Variants in LITAF observed in about 807,000 individuals in gnomAD.
LITAF encodes the protein lipopolysaccharide-induced tumor necrosis factor-alpha factor.
Under a neutral mutation model 14.5 loss-of-function variants are expected in LITAF, and 9 were observed. The ratio of observed to expected loss-of-function variants is 0.62; its 90% CI spans 0.37 to 1.08. The LOEUF (loss-of-function observed/expected upper bound fraction) is 1.08. Among genes scored for constraint, LITAF ranks in the 50% least tolerant of loss-of-function variants. The pLI is 0.01. For missense variants in LITAF, 206 were observed against 213.4 expected (o/e 0.97, Z 0.22); for synonymous variants, 98 against 88.2 (o/e 1.11, Z -0.62).
At chr16:11,584,800 C>T (rs1301438851) in intron 1 of LITAF, among the ~76,000 whole-genome samples, 6 of 152,178 alleles carry the variant, frequency 3.9e-5, no homozygotes, top group East Asian at 1.9e-4. Flanking sequence ...ATCCTTTACA[C>T]GGCAAGGGTA....
intron 1 of LITAF, among the ~76,000 whole-genome samples, chr16:11,563,773 C>T (rs1223614561): frequency 6.6e-6 from 1 of 152,022 alleles, no homozygotes; most frequent in Non-Finnish European, 1.5e-5. Context: ...CAATGAAATT[C>T]TGAGAGAGCT....
intron 1 of LITAF, among the ~76,000 whole-genome samples, chr16:11,567,623 C>T (rs538933415): frequency 6.6e-6 from 1 of 152,186 alleles, no homozygotes; most frequent in South Asian, 2.1e-4. Flanking sequence ...CATCACTCAG[C>T]GGAGGAGACC....
At chr16:11,602,228 C>T (rs780676904), upstream of LITAF, among the ~76,000 whole-genome samples, 2 of 152,134 alleles carry the variant, frequency 1.3e-5, no homozygotes, top group African/African-American at 2.4e-5. Context: ...TGTGGTGACA[C>T]ATGCCTGTAG....
intron 1 of LITAF, among the ~76,000 whole-genome samples, chr16:11,577,827 C>T (rs965940190): frequency 1.3e-5 from 2 of 151,908 alleles, no homozygotes; most frequent in Admixed American, 6.6e-5. Context: ...TGGGCTCAAG[C>T]GATCCTCCTC....
chr16:11,629,382 A>T (rs935768044), intron 3 of LITAF, among the ~76,000 whole-genome samples: 1 of 152,222 alleles, frequency 6.6e-6, no homozygotes, highest in Admixed American at 6.5e-5. Context: ...GTAAGGAGAC[A>T]AGGTGCAGGA....
chr16:11,637,946 CTA>C (rs1307620064), upstream of LITAF, among the ~76,000 whole-genome samples: 58 of 59,040 alleles, frequency 9.8e-4, 2 homozygotes, highest in South Asian at 8.7e-3. Flanking sequence ...ATCTATATAT[CTA>C]TATATATCTA....
intron 1 of LITAF, among the ~76,000 whole-genome samples, chr16:11,585,751 C>T (rs530855375): frequency 6.6e-6 from 1 of 152,160 alleles, no homozygotes; most frequent in East Asian, 1.9e-4. Context: ...AGTCTTTGAA[C>T]CAGCACCAGT....
At chr16:11,594,225 A>T (rs574981252) in intron 1 of LITAF, among the ~76,000 whole-genome samples, 2 of 152,152 alleles carry the variant, frequency 1.3e-5, no homozygotes, top group East Asian at 3.9e-4. Flanking sequence ...ACTGGTGGTG[A>T]CTGCAAAACA....
intron 3 of LITAF, among the ~76,000 whole-genome samples, chr16:11,626,816 T>C (rs1194898164): frequency 6.6e-6 from 1 of 152,180 alleles, no homozygotes; most frequent in African/African-American, 2.4e-5. Flanking sequence ...TATTTTTATT[T>C]AATGTGCTAC....
At chr16:11,621,891 G>C (rs1177542679) in intron 3 of LITAF, among the ~76,000 whole-genome samples, 1 of 152,004 alleles carries the variant, frequency 6.6e-6, no homozygotes, top group African/African-American at 2.4e-5. Context: ...CAGCTCCTAC[G>C]TTGCTGCAGC....
At chr16:11,601,895 C>G (rs1472726516), upstream of LITAF, among the ~76,000 whole-genome samples, 1 of 152,204 alleles carries the variant, frequency 6.6e-6, no homozygotes, top group Non-Finnish European at 1.5e-5. Context: ...CCCTGGGAAT[C>G]TACCACATGG....
intron 3 of LITAF, among the ~76,000 whole-genome samples, chr16:11,621,161 T>G (rs2065048684): frequency 2.0e-5 from 3 of 151,952 alleles, no homozygotes; most frequent in African/African-American, 7.3e-5. Context: ...GCCTCCCAGG[T>G]TCAAGTGATT....
upstream of LITAF, among the ~76,000 whole-genome samples, chr16:11,639,755 G>A (rs538989429): frequency 6.6e-6 from 1 of 152,200 alleles, no homozygotes; most frequent in African/African-American, 2.4e-5. Context: ...ATCAATTTGG[G>A]AGGCCGAGGA....
chr16:11,589,921 GCC>G (rs1330171883), upstream of LITAF, among the ~76,000 whole-genome samples: 99 of 120,030 alleles, frequency 8.2e-4, no homozygotes, highest in South Asian at 1.5e-3. Flanking sequence ...ACCACACCCA[GCC>G]AGTTGCATTT....
intron 1 of LITAF, among the ~76,000 whole-genome samples, chr16:11,559,359 TAA>T (rs894310525): frequency 2.6e-4 from 40 of 152,220 alleles, no homozygotes; most frequent in African/African-American, 9.7e-4. Context: ...TACTTGTATT[TAA>T]GTTTAAGCAA....
intron 1 of LITAF, among the ~76,000 whole-genome samples, chr16:11,563,201 C>A (rs550244959): frequency 6.6e-6 from 1 of 151,790 alleles, no homozygotes; most frequent in African/African-American, 2.4e-5. Flanking sequence ...TAGACTGGAA[C>A]GCAGTGGCGT....
At chr16:11,622,551 AC>A (rs1240143817) in intron 3 of LITAF, among the ~76,000 whole-genome samples, 2 of 151,862 alleles carry the variant, frequency 1.3e-5, no homozygotes, top group Non-Finnish European at 2.9e-5. Context: ...TCCCTACACA[AC>A]CCCCTTCTTT....
chr16:11,638,729 A>C (rs977663542), upstream of LITAF, among the ~76,000 whole-genome samples: 2 of 124,326 alleles, frequency 1.6e-5, no homozygotes, highest in Admixed American at 8.1e-5. Flanking sequence ...AAAAAAAAAA[A>C]AAAAAAAAAA....
upstream of LITAF, among the ~76,000 whole-genome samples, chr16:11,600,951 G>C (rs938774773): frequency 3.9e-5 from 6 of 152,180 alleles, no homozygotes; most frequent in Non-Finnish European, 5.9e-5. The surrounding 1 kb of genome is among the most constrained non-coding windows in gnomAD (Gnocchi z 4.1). Context: ...ACCGGGGCAT[G>C]TCAGTGTGGC....
Sources: gnomAD v4.1 joint callset for allele counts (sites outside exome capture counted in the v4.1 genomes callset) on GRCh38, gnomAD v4.1.1 for gene constraint, Gnocchi (gnomAD v3.1) non-coding constraint, MANE v1.5 for transcripts, NCBI Gene and HGNC (gene_info 2026-07-23, HGNC 2026-07-21) for gene names.